PAK1: variants seen among roughly 807,000 people sequenced by gnomAD.
PAK1 encodes p21 (RAC1) activated kinase 1.
PAK1 carries 29 observed loss-of-function variants against 67.4 expected under a neutral mutation model. The observed-to-expected ratio is 0.43, with a 90% CI of 0.32 to 0.59. The LOEUF (loss-of-function observed/expected upper bound fraction) is 0.59. Among genes scored for constraint, PAK1 ranks in the 20% least tolerant of loss-of-function variants. The pLI is 0.07. For missense variants in PAK1, 337 were observed against 670.7 expected, an observed-to-expected ratio of 0.50 and a Z score of 5.50; for synonymous variants, 223 against 237.4, an observed-to-expected ratio of 0.94 and a Z score of 0.56.
At chr11:77,331,641 C>G (rs1941547007) in intron 14 of PAK1, among the ~76,000 whole-genome samples, 1 of 151,972 alleles carries the variant, frequency 6.6e-6, no homozygotes, top group South Asian at 2.1e-4. Context: ...GTTGTGGGGT[C>G]AGGGGAGGGT....
At chr11:77,416,679 T>C (rs1954971301) in intron 1 of PAK1, among the ~76,000 whole-genome samples, 1 of 152,142 alleles carries the variant, frequency 6.6e-6, no homozygotes, top group Non-Finnish European at 1.5e-5. Flanking sequence ...ATTGGCCAGG[T>C]GCTGTGGCTG....
intron 10 of PAK1, among the ~76,000 whole-genome samples, chr11:77,341,435 AAT>A (rs1171344029): frequency 6.6e-6 from 1 of 152,236 alleles, no homozygotes; most frequent in African/African-American, 2.4e-5. Flanking sequence ...GAATGGAATG[AAT>A]TTAGCAAGGG....
chr11:77,374,409 A>G, intron 4 of PAK1, 44 bp from the exon 5 acceptor site: 2 of 1,411,708 alleles, frequency 1.4e-6, no homozygotes, highest in Non-Finnish European at 2.0e-6. Context: ...TAACAGTTAC[A>G]GTTAAATTTT....
chr11:77,379,958 G>A lies in PAK1; in HGVS notation c.227C>T (p.Ser76Phe). The change falls in exon 3 of 15, where the codon TCT (serine) becomes TTT (phenylalanine). Residue 76 changes from serine (S) to phenylalanine (F), a missense_variant. Physicochemically the swap from Ser to Phe is radical, Grantham distance 155. Around this residue, in one of 8 missense-constraint regions of PAK1, gnomAD observed 43 missense variants for 141.5 expected, o/e 0.30. Coordinates refer to ENST00000356341, the MANE Select transcript of PAK1 (RefSeq NM_002576.5). ...KKKEKERPEI[S>F]LPSDFEHTIH... ...TGTGTGTTCAAAATCTGAAGGGAGA[G>A]AAATCTCTGGCCGCTCTTTCTCTTT... is the stretch of plus-strand genomic sequence containing the variant. 6.2e-7 allele frequency: 1 copy of A among 1,613,996 alleles called. No homozygotes were observed. Among genetic ancestry groups the A allele is most frequent in the Non-Finnish European group, 8.5e-7 (1 of 1,179,918 alleles).
At chr11:77,520,500 G>A in the PAK1 span, among the ~76,000 whole-genome samples, 1 of 152,184 alleles carries the variant, frequency 6.6e-6, no homozygotes, top group East Asian at 1.9e-4. Context: ...GGGAAAGGGA[G>A]ACCAAAAGCC....
chr11:77,439,604 C>T (rs892283055), intron 1 of PAK1, among the ~76,000 whole-genome samples: 2 of 152,182 alleles, frequency 1.3e-5, no homozygotes, highest in South Asian at 4.1e-4. Flanking sequence ...TAGCAGACTT[C>T]TAGAGAAAAA....
the PAK1 span, among the ~76,000 whole-genome samples, chr11:77,502,137 T>G: frequency 6.6e-6 from 1 of 152,236 alleles, no homozygotes; most frequent in African/African-American, 2.4e-5. Flanking sequence ...GACTATACTG[T>G]AAATACAGTT....
the PAK1 span, among the ~76,000 whole-genome samples, chr11:77,480,784 A>G: frequency 0.011 from 1,630 of 152,238 alleles, 13 homozygotes; most frequent in Non-Finnish European, 0.017. Flanking sequence ...TCAGCCTCCC[A>G]AAGTGCTGGG....
intron 1 of PAK1, among the ~76,000 whole-genome samples, chr11:77,459,785 C>T (rs971424306): frequency 2.0e-5 from 3 of 147,274 alleles, no homozygotes; most frequent in Admixed American, 6.7e-5. Flanking sequence ...CTCCGCCTCC[C>T]GGGTTCACGC....
chr11:77,343,095 G>A (rs764305838), intron 10 of PAK1, among the ~76,000 whole-genome samples: 1 of 152,016 alleles, frequency 6.6e-6, no homozygotes, highest in African/African-American at 2.4e-5. Context: ...TACTGTTCAT[G>A]AAAGTGCTTG....
chr11:77,489,429 C>A, the PAK1 span, among the ~76,000 whole-genome samples: 37 of 150,040 alleles, frequency 2.5e-4, no homozygotes, highest in Non-Finnish European at 4.0e-4. Context: ...TCTCTCTCTC[C>A]CCTCTCCCCT....
At chr11:77,437,927 C>T (rs1273767725) in intron 1 of PAK1, among the ~76,000 whole-genome samples, 1 of 152,144 alleles carries the variant, frequency 6.6e-6, no homozygotes, top group Non-Finnish European at 1.5e-5. Context: ...ACTGAGGTCT[C>T]CTGATTCCCA....
the PAK1 span, among the ~76,000 whole-genome samples, chr11:77,503,042 T>A: frequency 6.6e-6 from 1 of 152,068 alleles, no homozygotes; most frequent in African/African-American, 2.4e-5. Flanking sequence ...GATCTTCGGG[T>A]TCCTGGGAAA....
intron 5 of PAK1, among the ~76,000 whole-genome samples, chr11:77,363,543 C>T (rs1228565841): frequency 6.6e-6 from 1 of 152,226 alleles, no homozygotes; most frequent in Non-Finnish European, 1.5e-5. Context: ...ATAACCACTG[C>T]TTTCACTTAG....
At chr11:77,454,350 C>T (rs1956990744) in intron 1 of PAK1, among the ~76,000 whole-genome samples, 2 of 152,076 alleles carry the variant, frequency 1.3e-5, no homozygotes, top group East Asian at 3.9e-4. Flanking sequence ...TGTACAAGTC[C>T]CTCAGACACA....
At chr11:77,506,045 G>A in the PAK1 span, among the ~76,000 whole-genome samples, 1 of 152,146 alleles carries the variant, frequency 6.6e-6, no homozygotes, top group Non-Finnish European at 1.5e-5. Flanking sequence ...GTCCAGCAGG[G>A]CTCCCAGTCA....
the PAK1 span, among the ~76,000 whole-genome samples, chr11:77,489,438 C>T: frequency 6.6e-6 from 1 of 151,688 alleles, no homozygotes; most frequent in African/African-American, 2.4e-5. Context: ...CCCCTCTCCC[C>T]TCTCCCCTCT....
At chr11:77,373,561 T>TA (rs1267608633) in intron 5 of PAK1, among the ~76,000 whole-genome samples, 2 of 134,768 alleles carry the variant, frequency 1.5e-5, no homozygotes, top group Non-Finnish European at 3.3e-5. Context: ...CCTCGTCTCT[T>TA]TAAAAAAAAA....
At chr11:77,479,630 CAG>C (rs1958095924), upstream of PAK1, among the ~76,000 whole-genome samples, 1 of 101,004 alleles carries the variant, frequency 9.9e-6, no homozygotes, top group South Asian at 3.6e-4. Flanking sequence ...TTTTTGGTGA[CAG>C]AGTCTCACTC....
Sources: allele counts gnomAD v4.1 joint callset (sites outside exome capture counted in the v4.1 genomes callset), GRCh38; gene constraint gnomAD v4.1.1; regional missense constraint gnomAD v4.1.1; transcripts MANE v1.5; gene names NCBI Gene and HGNC (gene_info 2026-07-23, HGNC 2026-07-21).